Variants in TPST1 observed in about 807,000 individuals in gnomAD.
The protein encoded by TPST1 is tyrosylprotein sulfotransferase 1.
Under a neutral mutation model 34.8 loss-of-function variants are expected in TPST1, and 20 were observed. The observed-to-expected ratio is 0.57, with a 90% CI of 0.40 to 0.84. The LOEUF (loss-of-function observed/expected upper bound fraction) is 0.84. Among genes scored for constraint, TPST1 ranks in the 40% least tolerant of loss-of-function variants. The pLI is 0.00. For missense variants in TPST1, 353 were observed against 455.5 expected (o/e 0.78, Z 2.05); for synonymous variants, 152 against 159.4 (o/e 0.95, Z 0.35).
intron 2 of TPST1, among the ~76,000 whole-genome samples, chr7:66,273,034 C>T (rs1178172028): frequency 6.6e-6 from 1 of 152,112 alleles, no homozygotes; most frequent in Non-Finnish European, 1.5e-5. Context: ...ATAGAAAGTC[C>T]TAAAGACTCC....
intron 2 of TPST1, among the ~76,000 whole-genome samples, chr7:66,248,677 T>G (rs144992483): frequency 0.021 from 3,217 of 151,972 alleles, 44 homozygotes; most frequent in Middle Eastern, 0.075. Context: ...CTAATTTTTT[T>G]TTTGTGTGTG....
chr7:66,349,716 A>G (rs773049101), intron 3 of TPST1, among the ~76,000 whole-genome samples: 4 of 152,126 alleles, frequency 2.6e-5, no homozygotes, highest in Non-Finnish European at 5.9e-5. Flanking sequence ...GGGCCTGAGC[A>G]GTGTATGCCC....
At chr7:66,328,890 A>C (rs374160215) in intron 3 of TPST1, among the ~76,000 whole-genome samples, 94 of 20,870 alleles carry the variant, frequency 4.5e-3, no homozygotes, top group African/African-American at 0.011. Context: ...CTCTCTCTAT[A>C]TATATATATA....
At chr7:66,263,988 C>T (rs1012126589) in intron 2 of TPST1, among the ~76,000 whole-genome samples, 3 of 152,112 alleles carry the variant, frequency 2.0e-5, no homozygotes, top group Non-Finnish European at 4.4e-5. Flanking sequence ...TTCCCTGTTC[C>T]ATGTGTCAGC....
intron 1 of TPST1, among the ~76,000 whole-genome samples, chr7:66,227,277 C>T (rs996912570): frequency 3.9e-5 from 6 of 151,940 alleles, no homozygotes; most frequent in South Asian, 2.1e-4. Context: ...GTGATCTACC[C>T]GTCTCGGCCT....
At chr7:66,242,991 A>G (rs1790068284) in intron 2 of TPST1, among the ~76,000 whole-genome samples, 1 of 152,188 alleles carries the variant, frequency 6.6e-6, no homozygotes, top group African/African-American at 2.4e-5. Flanking sequence ...AGAACCTACC[A>G]TGCTTATTCC....
intron 3 of TPST1, among the ~76,000 whole-genome samples, chr7:66,326,044 C>G (rs1379160436): frequency 1.3e-5 from 2 of 152,186 alleles, no homozygotes; most frequent in Admixed American, 6.5e-5. Flanking sequence ...AGGTTGCAAT[C>G]AGGGAGGCTC....
chr7:66,349,009 T>C (rs1423804710), intron 3 of TPST1, among the ~76,000 whole-genome samples: 3 of 152,198 alleles, frequency 2.0e-5, no homozygotes, highest in African/African-American at 7.2e-5. Flanking sequence ...TGTTGAATGT[T>C]CCCACTCATA....
chr7:66,314,527 T>G (rs1436632780), intron 3 of TPST1, among the ~76,000 whole-genome samples: 1 of 152,110 alleles, frequency 6.6e-6, no homozygotes, highest in Non-Finnish European at 1.5e-5. Flanking sequence ...ATAAATAAAT[T>G]AATTAAAAAT....
At chr7:66,325,193 A>C (rs1297788862) in intron 3 of TPST1, among the ~76,000 whole-genome samples, 2 of 152,174 alleles carry the variant, frequency 1.3e-5, no homozygotes, top group African/African-American at 4.8e-5. Context: ...GAAGAGCCCC[A>C]TATAAAACCA....
intron 5 of TPST1, chr7:66,359,266 T>C (rs1430109388): frequency 6.8e-6 from 1 of 146,018 alleles, no homozygotes; most frequent in Non-Finnish European, 1.5e-5. Context: ...TTAGGACCCA[T>C]TTCTTCACAT....
rs1432822871 is a variant in TPST1 at position 66,311,144 on chromosome 7, G to A, written c.1044+24435G>A. Among the ~76,000 whole-genome samples the A allele has an allele frequency of 2.0e-5, 3 of 149,104 alleles. No homozygotes were observed. The East Asian group carries it at 5.9e-4, about 29-fold the overall frequency. ...GAAGTATTTTGTCTTTTTTTTGTGTGTGTGTGACAGGGTTTCACTCTTCGC... is the reference window on the plus strand; with the variant it reads ...GAAGTATTTTGTCTTTTTTTTGTGTATGTGTGACAGGGTTTCACTCTTCGC... On this transcript the variant is annotated intron_variant, in intron 3 of 5. Transcript: ENST00000304842.
chr7:66,206,287 C>G (rs1025642783), intron 1 of TPST1, among the ~76,000 whole-genome samples: 1 of 152,066 alleles, frequency 6.6e-6, no homozygotes, highest in Non-Finnish European at 1.5e-5. Flanking sequence ...CTTCATTCGT[C>G]CTTACATGAG....
At chr7:66,230,163 G>T (rs1280941132) in intron 1 of TPST1, among the ~76,000 whole-genome samples, 2 of 152,170 alleles carry the variant, frequency 1.3e-5, no homozygotes, top group African/African-American at 2.4e-5. Flanking sequence ...ACTCCAGCCT[G>T]GGTGACAGTG....
At chr7:66,201,026 C>G (rs1584125806), upstream of TPST1, among the ~76,000 whole-genome samples, 3 of 152,276 alleles carry the variant, frequency 2.0e-5, no homozygotes, top group East Asian at 5.8e-4. Flanking sequence ...CCATACCTGG[C>G]TGATGCTCTC....
intron 2 of TPST1, among the ~76,000 whole-genome samples, chr7:66,272,170 G>T (rs978241679): frequency 4.6e-5 from 7 of 152,038 alleles, no homozygotes; most frequent in African/African-American, 1.7e-4. Flanking sequence ...TACAAGAAAA[G>T]AAAATTAGAA....
At chr7:66,272,769 T>C (rs1584196188) in intron 2 of TPST1, among the ~76,000 whole-genome samples, 1 of 152,082 alleles carries the variant, frequency 6.6e-6, no homozygotes, top group South Asian at 2.1e-4. Context: ...GTATATTTTA[T>C]AGAGTTGGGG....
At chr7:66,324,843 C>T (rs1459078946) in intron 3 of TPST1, among the ~76,000 whole-genome samples, 2 of 145,566 alleles carry the variant, frequency 1.4e-5, no homozygotes, top group Non-Finnish European at 1.5e-5. Flanking sequence ...AGACAAAACA[C>T]TCATATCTGA....
intron 1 of TPST1, among the ~76,000 whole-genome samples, chr7:66,218,236 A>G (rs538793767): frequency 1.3e-5 from 2 of 152,148 alleles, no homozygotes; most frequent in African/African-American, 4.8e-5. Context: ...GAGCCTATGG[A>G]TGTGATCCTT....
Sources: allele counts gnomAD v4.1 joint callset (sites outside exome capture counted in the v4.1 genomes callset), GRCh38; gene constraint gnomAD v4.1.1; transcripts MANE v1.5; gene names NCBI Gene and HGNC (gene_info 2026-07-23, HGNC 2026-07-21).